CNTN5: variants seen among roughly 807,000 people sequenced by gnomAD.
The protein encoded by CNTN5 is contactin-5.
In CNTN5, 77 loss-of-function variants were observed where a neutral mutation model predicts 129.1. The observed-to-expected ratio is 0.60, with a 90% CI of 0.50 to 0.72. The LOEUF (loss-of-function observed/expected upper bound fraction) is 0.72, where lower values mean the gene tolerates loss of function less well. Among genes scored for constraint, CNTN5 ranks in the 30% least tolerant of loss-of-function variants. CNTN5 has a pLI of 0.00. For synonymous variants in CNTN5, 509 were observed against 465.6 expected (o/e 1.09, Z -1.20); for missense variants, 1,478 against 1,328.8 (o/e 1.11, Z -1.75).
At chr11:100,199,832 A>G (rs1948732619) in intron 15 of CNTN5, among the ~76,000 whole-genome samples, 1 of 151,952 alleles carries the variant, frequency 6.6e-6, no homozygotes, top group South Asian at 2.1e-4. Flanking sequence ...CCTAAAAGCA[A>G]GGGCTAATAA....
At chr11:99,985,041 T>C (rs1938588725) in intron 8 of CNTN5, among the ~76,000 whole-genome samples, 1 of 152,210 alleles carries the variant, frequency 6.6e-6, no homozygotes, top group Middle Eastern at 3.4e-3. Flanking sequence ...ACGGTGAAGC[T>C]CAAGAAGGGG....
At chr11:99,899,736 G>A (rs928055158) in intron 6 of CNTN5, among the ~76,000 whole-genome samples, 8 of 152,000 alleles carry the variant, frequency 5.3e-5, no homozygotes, top group Non-Finnish European at 1.0e-4. Flanking sequence ...TGGTGATACA[G>A]GATTTGTAGA....
At chr11:99,884,639 C>T (rs1432345512) in intron 6 of CNTN5, among the ~76,000 whole-genome samples, 1 of 152,110 alleles carries the variant, frequency 6.6e-6, no homozygotes, top group East Asian at 1.9e-4. Context: ...CACAGTTAGA[C>T]ACATTATAGT....
At chr11:100,135,860 T>C (rs530364141) in intron 13 of CNTN5, among the ~76,000 whole-genome samples, 1 of 152,238 alleles carries the variant, frequency 6.6e-6, no homozygotes, top group East Asian at 1.9e-4. Flanking sequence ...CAATCATAAC[T>C]TATAGGTTGA....
intron 9 of CNTN5, among the ~76,000 whole-genome samples, chr11:100,008,609 A>G (rs572870713): frequency 4.6e-5 from 7 of 152,196 alleles, no homozygotes; most frequent in African/African-American, 1.7e-4. Context: ...GCTGAATGTA[A>G]TATTACACCT....
chr11:100,170,838 C>T (rs1947800956), intron 13 of CNTN5, among the ~76,000 whole-genome samples: 2 of 151,476 alleles, frequency 1.3e-5, no homozygotes, highest in African/African-American at 2.4e-5. Flanking sequence ...TTCTCTGATG[C>T]TTACTGTTAA....
At chr11:99,697,426 G>A (rs749860890) in intron 3 of CNTN5, among the ~76,000 whole-genome samples, 22 of 151,476 alleles carry the variant, frequency 1.5e-4, no homozygotes, top group Admixed American at 6.6e-5. Context: ...TTTGAGAATG[G>A]CACCTTAACT....
At chr11:99,128,360 G>A (rs1858752092) in intron 1 of CNTN5, among the ~76,000 whole-genome samples, 1 of 152,228 alleles carries the variant, frequency 6.6e-6, no homozygotes, top group Non-Finnish European at 1.5e-5. Flanking sequence ...GCGTAGCACA[G>A]CAGCTGTGGC....
At chr11:99,578,536 T>C (rs545439097) in intron 3 of CNTN5, among the ~76,000 whole-genome samples, 167 of 151,200 alleles carry the variant, frequency 1.1e-3, no homozygotes, top group African/African-American at 4.0e-3. Flanking sequence ...TGGTGTCAGA[T>C]GGTATCTCAC....
chr11:99,287,745 G>A (rs1467571864), intron 1 of CNTN5, among the ~76,000 whole-genome samples: 49 of 151,636 alleles, frequency 3.2e-4, no homozygotes, highest in Admixed American at 3.2e-3. Context: ...TAGTATATAA[G>A]GACATTAATA....
chr11:99,898,933 C>T (rs1949280075), intron 6 of CNTN5, among the ~76,000 whole-genome samples: 1 of 151,922 alleles, frequency 6.6e-6, no homozygotes, highest in South Asian at 2.1e-4. Flanking sequence ...GTGGAAATGC[C>T]TCTAATGTTT....
At chr11:100,170,684 A>G (rs560509746) in intron 13 of CNTN5, among the ~76,000 whole-genome samples, 20 of 152,056 alleles carry the variant, frequency 1.3e-4, no homozygotes, top group Admixed American at 3.9e-4. Context: ...TCCATAGACA[A>G]GGACAGTTCC....
intron 1 of CNTN5, among the ~76,000 whole-genome samples, chr11:99,240,078 C>T (rs1363497233): frequency 6.6e-6 from 1 of 152,132 alleles, no homozygotes; most frequent in Non-Finnish European, 1.5e-5. Flanking sequence ...TTTTAGGCCA[C>T]AAATTAAAGT....
chr11:99,309,054 G>T (rs1864990712), intron 1 of CNTN5, among the ~76,000 whole-genome samples: 1 of 151,794 alleles, frequency 6.6e-6, no homozygotes, highest in Non-Finnish European at 1.5e-5. Context: ...TAGTTTTTCT[G>T]TTTCTTTAAT....
At chr11:100,055,055 A>G (rs1021964936) in intron 9 of CNTN5, among the ~76,000 whole-genome samples, 3 of 148,238 alleles carry the variant, frequency 2.0e-5, no homozygotes, top group Admixed American at 6.8e-5. Context: ...AAAAAAAGGC[A>G]AATGTATGTC....
At chr11:99,612,365 T>G (rs1333967594) in intron 3 of CNTN5, among the ~76,000 whole-genome samples, 1 of 152,174 alleles carries the variant, frequency 6.6e-6, no homozygotes, top group African/African-American at 2.4e-5. Flanking sequence ...GATCTAAGGA[T>G]TATTCTCTTA....
At chr11:99,082,323 T>G (rs1350909309) in intron 1 of CNTN5, among the ~76,000 whole-genome samples, 2 of 152,024 alleles carry the variant, frequency 1.3e-5, no homozygotes, top group East Asian at 3.9e-4. Context: ...TAGCTGGGAC[T>G]ACAGGCGCAT....
chr11:99,624,610 C>A (rs942210014), intron 3 of CNTN5, among the ~76,000 whole-genome samples: 3 of 152,090 alleles, frequency 2.0e-5, no homozygotes, highest in African/African-American at 4.8e-5. Context: ...GACTAAAGTT[C>A]ATTTTAGCTT....
At position 100,241,217 on chromosome 11, in the gene CNTN5, G is replaced by A. The variant is rs17094676; in HGVS notation, c.2006-14543G>A. ...ACAAGTTACCTATTTGTAATTATTC[G>A]TACCAGTTTGTAAAAATACATCCTA... On this transcript the variant is annotated intron_variant, in intron 16 of 24. Transcript: ENST00000524871. Among the ~76,000 whole-genome samples, 1,125 of 152,210 alleles carry A rather than the reference G, an allele frequency of 7.4e-3. 16 individuals are homozygous for A. Among genetic ancestry groups the A allele is most frequent in the African/African-American group, 0.025 (1,044 of 41,536 alleles).
Sources: allele counts gnomAD v4.1 joint callset (sites outside exome capture counted in the v4.1 genomes callset), GRCh38; gene constraint gnomAD v4.1.1; transcripts MANE v1.5; gene names NCBI Gene and HGNC (gene_info 2026-07-23, HGNC 2026-07-21).